Variants in FRMPD4 observed in about 807,000 individuals in gnomAD.
The protein encoded by FRMPD4 is FERM and PDZ domain-containing protein 4.
In FRMPD4, 22 loss-of-function variants were observed where a neutral mutation model predicts 94.1. The ratio of observed to expected loss-of-function variants is 0.23; its 90% CI spans 0.17 to 0.33. FRMPD4 has a LOEUF of 0.33. Ranked by LOEUF, FRMPD4 falls within the 10% of genes least tolerant of loss-of-function variation. FRMPD4 has a pLI of 1.00. For synonymous variants in FRMPD4, 631 were observed against 548.6 expected, an observed-to-expected ratio of 1.15 and a Z score of -2.10; for missense variants, 1,111 against 1,339.9, an observed-to-expected ratio of 0.83 and a Z score of 2.67.
intron 1 of FRMPD4, among the ~76,000 whole-genome samples, chrX:12,324,997 T>C (rs1476986025): frequency 4.5e-5 from 5 of 112,174 alleles, no homozygotes; most frequent in Admixed American, 9.4e-5. Context: ...GTAATCTCCA[T>C]TGGGTTTATT....
intron 3 of FRMPD4, among the ~76,000 whole-genome samples, chrX:12,026,313 T>G (rs760430251): frequency 8.9e-6 from 1 of 111,999 alleles, no homozygotes; most frequent in Admixed American, 9.5e-5. Context: ...CATTTTTATG[T>G]ATCACTGAGG....
In FRMPD4 at chrX:11,922,550, C is replaced by T. The variant is rs1451838134; in HGVS notation, c.95+44532C>T. 5.4e-5 allele frequency among the ~76,000 whole-genome samples: 6 copies of T among 112,078 alleles called. No homozygotes were observed. In the Admixed American group the frequency reaches 5.6e-4, roughly 10 times the overall value. ...GCTGGGAGCCCTGCATGGGCTACCA[C>T]ACACTGGGGCTTATATTGGAACCAC... On this transcript the variant is annotated intron_variant, in intron 3 of 18. Transcript: ENST00000640291.
At chrX:12,478,485 C>T (rs2148189044) in intron 1 of FRMPD4, among the ~76,000 whole-genome samples, 1 of 111,855 alleles carries the variant, frequency 8.9e-6, no homozygotes, top group South Asian at 3.8e-4. Context: ...CAGGAGGTTG[C>T]ATTGGGAGGA....
intron 1 of FRMPD4, among the ~76,000 whole-genome samples, chrX:12,164,210 C>A (rs2056074401): frequency 9.0e-6 from 1 of 110,854 alleles, no homozygotes; most frequent in Non-Finnish European, 1.9e-5. Context: ...CCCAACCCCA[C>A]AACAGTCCCT....
intron 3 of FRMPD4, among the ~76,000 whole-genome samples, chrX:11,934,882 A>G (rs1261683226): frequency 9.0e-6 from 1 of 111,686 alleles, no homozygotes; most frequent in Non-Finnish European, 1.9e-5. Flanking sequence ...GTTGTTGTTT[A>G]ATTTAATTTG....
At chrX:11,883,651 A>T (rs1291523298) in intron 3 of FRMPD4, among the ~76,000 whole-genome samples, 3 of 111,866 alleles carry the variant, frequency 2.7e-5, no homozygotes. Context: ...CTAGGCTGCT[A>T]AGGAGATTGA....
At chrX:12,197,476 T>C (rs1270299392) in intron 1 of FRMPD4, among the ~76,000 whole-genome samples, 1 of 111,345 alleles carries the variant, frequency 9.0e-6, no homozygotes, top group Non-Finnish European at 1.9e-5. Context: ...AACTGGAAAG[T>C]TGGGAAAAGT....
At chrX:12,449,732 A>C (rs1245666162) in intron 1 of FRMPD4, among the ~76,000 whole-genome samples, 1 of 111,550 alleles carries the variant, frequency 9.0e-6, no homozygotes, top group Non-Finnish European at 1.9e-5. Context: ...TCACGCCTCT[A>C]ATTACAGCAC....
chrX:12,169,760 T>C (rs771143196), intron 1 of FRMPD4, among the ~76,000 whole-genome samples: 1 of 113,008 alleles, frequency 8.8e-6, no homozygotes, highest in Admixed American at 9.3e-5. Context: ...TATAACACTT[T>C]TGTGCATACA....
chrX:12,116,102 G>A (rs1405934942), intron 3 of FRMPD4, among the ~76,000 whole-genome samples: 1 of 111,780 alleles, frequency 8.9e-6, no homozygotes, highest in African/African-American at 3.3e-5. Flanking sequence ...TGACTTTCCC[G>A]GGCCTAGACA....
chrX:11,891,714 G>T (rs150022844), intron 3 of FRMPD4, among the ~76,000 whole-genome samples: 5,178 of 111,764 alleles, frequency 0.046, 124 homozygotes, highest in Non-Finnish European at 0.067. Flanking sequence ...GGAAAAATGG[G>T]AGTAATAATT....
intron 1 of FRMPD4, among the ~76,000 whole-genome samples, chrX:12,467,797 C>T (rs1393906069): frequency 2.7e-5 from 3 of 111,918 alleles, no homozygotes; most frequent in Admixed American, 9.5e-5. Flanking sequence ...TGCTGTTCTA[C>T]ATAAGATCCT....
At chrX:12,495,091 C>T in intron 1 of FRMPD4, 1 of 485,674 alleles carries the variant, frequency 2.1e-6, no homozygotes, top group Non-Finnish European at 2.5e-6. Flanking sequence ...TCTGATGTTT[C>T]CTTCCGCCTT....
At chrX:12,378,252 C>T (rs946015982) in intron 1 of FRMPD4, among the ~76,000 whole-genome samples, 1 of 112,356 alleles carries the variant, frequency 8.9e-6, no homozygotes, top group East Asian at 2.8e-4. Flanking sequence ...GTATTTTAGT[C>T]GTTGTTCTTC....
At chrX:11,954,148 C>G (rs950391186) in intron 3 of FRMPD4, among the ~76,000 whole-genome samples, 1 of 112,282 alleles carries the variant, frequency 8.9e-6, no homozygotes, top group Non-Finnish European at 1.9e-5. Flanking sequence ...TTTGGCCAAC[C>G]TATGTGTTTT....
intron 2 of FRMPD4, among the ~76,000 whole-genome samples, chrX:12,609,220 G>A (rs1455812145): frequency 9.0e-6 from 1 of 111,276 alleles, no homozygotes; most frequent in African/African-American, 3.3e-5. Context: ...GGAACAACAG[G>A]GGATGGTCTT....
At chrX:12,558,557 T>C (rs5979653) in intron 2 of FRMPD4, among the ~76,000 whole-genome samples, 2,167 of 112,581 alleles carry the variant, frequency 0.019, 47 homozygotes, top group African/African-American at 0.065. Flanking sequence ...ACATAAACTA[T>C]ATTTGCTAAA....
chrX:12,594,862 G>A (rs746622178), intron 2 of FRMPD4, among the ~76,000 whole-genome samples: 8 of 111,736 alleles, frequency 7.2e-5, no homozygotes, highest in South Asian at 3.8e-4. Flanking sequence ...GTATTGTTCC[G>A]TAATGTAATG....
intron 1 of FRMPD4, among the ~76,000 whole-genome samples, chrX:11,822,831 A>C (rs761398419): frequency 8.9e-6 from 1 of 112,189 alleles, no homozygotes; most frequent in South Asian, 3.7e-4. Context: ...AGGAAATCTA[A>C]AATCTAAAAG....
Sources: allele counts gnomAD v4.1 joint callset (sites outside exome capture counted in the v4.1 genomes callset), GRCh38; gene constraint gnomAD v4.1.1; transcripts MANE v1.5; gene names NCBI Gene and HGNC (gene_info 2026-07-23, HGNC 2026-07-21).